Variants in SUMF1 observed in about 807,000 individuals in gnomAD.
SUMF1 encodes sulfatase modifying factor 1, also known as formylglycine-generating enzyme.
Under a neutral mutation model 47.6 loss-of-function variants are expected in SUMF1, and 48 were observed. The observed-to-expected ratio is 1.01, with a 90% CI of 0.80 to 1.28. The LOEUF (loss-of-function observed/expected upper bound fraction) is 1.28, where lower values mean the gene tolerates loss of function less well. Ranked by LOEUF, SUMF1 falls within the 50% of genes most tolerant of loss-of-function variation. The probability of loss-of-function intolerance (pLI) is 0.00; values close to 1 mark genes in which losing one functional copy is unlikely to be tolerated. For missense variants in SUMF1, 571 were observed against 485.4 expected (o/e 1.18, Z -1.66); for synonymous variants, 230 against 192.1 (o/e 1.20, Z -1.63).
intron 9 of SUMF1, among the ~76,000 whole-genome samples, chr3:4,064,502 A>T (rs1348567925): frequency 6.6e-6 from 1 of 152,100 alleles, no homozygotes; most frequent in East Asian, 1.9e-4. Context: ...CTATAAGTAT[A>T]CTCAGTTGAG....
chr3:4,216,693 AG>A (rs1695932540), intron 8 of SUMF1, among the ~76,000 whole-genome samples: 1 of 152,220 alleles, frequency 6.6e-6, no homozygotes, highest in Non-Finnish European at 1.5e-5. Flanking sequence ...CCCATCAAAA[AG>A]TGGGCAAAGG....
At position 4,066,288 on chromosome 3, in the gene SUMF1, C is replaced by T. The variant is rs73806857; in HGVS notation, c.1191+2281G>A. The stretch of plus-strand genomic sequence containing the variant: ...CAGAAACCCAAAACATGAGCAACCA[C>T]CAAAAGATGGTTTTCATAAAACGAT... On this transcript the variant is annotated intron_variant and NMD_transcript_variant, in intron 9 of 12. Coordinates refer to the SUMF1 transcript ENST00000448413. 4.6e-3 allele frequency among the ~76,000 whole-genome samples: 701 copies of T among 152,082 alleles called. 6 individuals are homozygous for T. Among genetic ancestry groups the T allele is most frequent in the African/African-American group, 0.016 (664 of 41,480 alleles).
In SUMF1 at chr3:4,105,264, G is replaced by A. The variant is rs952583589; in HGVS notation, c.1015-36519C>T. Among the ~76,000 whole-genome samples the A allele has an allele frequency of 5.9e-5, 9 of 152,066 alleles. 1 individual carries two copies. Among genetic ancestry groups the A allele is most frequent in the Non-Finnish European group, 1.0e-4 (7 of 68,014 alleles). ...AGAAAAGGGGAGATGTCTGTCAAAT[G>A]CACAGAGTTTTAGTTAAACAAAAGG... On this transcript the variant is annotated intron_variant and NMD_transcript_variant, in intron 8 of 12. Coordinates refer to the SUMF1 transcript ENST00000448413.
intron 8 of SUMF1, among the ~76,000 whole-genome samples, chr3:4,166,509 G>A (rs1010289779): frequency 6.6e-6 from 1 of 152,122 alleles, no homozygotes; most frequent in African/African-American, 2.4e-5. Flanking sequence ...GATCCCAGGT[G>A]CCTAAAGAAG....
At chr3:4,331,235 AC>A (rs1268314274) in intron 8 of SUMF1, among the ~76,000 whole-genome samples, 1 of 148,776 alleles carries the variant, frequency 6.7e-6, no homozygotes, top group East Asian at 1.9e-4. Flanking sequence ...AAAAAAAAAA[AC>A]CTTTAAACTA....
Position 4,189,866 on chromosome 3 carries a change from C to G in SUMF1, c.1015-121121G>C, listed in dbSNP as rs140058993. 2.2e-4 allele frequency among the ~76,000 whole-genome samples: 33 copies of G among 152,262 alleles called. 1 individual carries two copies. The highest frequency in any genetic ancestry group is 1.5e-3 in the Admixed American group (23 of 15,274). On this transcript the variant is annotated intron_variant and NMD_transcript_variant, in intron 8 of 12. Transcript: ENST00000448413. The stretch of plus-strand genomic sequence containing the variant: ...TATTCTTTTGCTGGTCTAAAATGTT[C>G]CTCCAACAGATTAGCTCAAACTGCC...
chr3:4,328,913 C>G (rs1265825610), intron 8 of SUMF1, among the ~76,000 whole-genome samples: 1 of 152,204 alleles, frequency 6.6e-6, no homozygotes, highest in East Asian at 1.9e-4. Context: ...GGTAAATACA[C>G]TCATTCCAAA....
chr3:4,384,745 C>A (rs145483532), intron 7 of SUMF1, among the ~76,000 whole-genome samples: 1 of 152,138 alleles, frequency 6.6e-6, no homozygotes, highest in East Asian at 1.9e-4. Flanking sequence ...AAGGACATTT[C>A]GGCTGTTTCT....
chr3:4,376,410 CTA>C (rs753866672), intron 7 of SUMF1, 21 bp from the exon 8 acceptor site: 1 of 1,613,650 alleles, frequency 6.2e-7, no homozygotes, highest in African/African-American at 1.3e-5. Flanking sequence ...AGAAAAAAGG[CTA>C]TGTTAGACCA....
intron 2 of SUMF1, among the ~76,000 whole-genome samples, chr3:4,451,483 T>C (rs1426528127): frequency 6.6e-6 from 1 of 152,198 alleles, no homozygotes; most frequent in African/African-American, 2.4e-5. Context: ...AAACCGTAAT[T>C]ACTTTTGTAC....
intron 8 of SUMF1, among the ~76,000 whole-genome samples, chr3:4,130,999 G>C (rs529075395): frequency 6.6e-6 from 1 of 152,126 alleles, no homozygotes; most frequent in Non-Finnish European, 1.5e-5. Flanking sequence ...TCACTGCAGA[G>C]CCCTGTAGGA....
intron 7 of SUMF1, among the ~76,000 whole-genome samples, chr3:4,394,156 T>G (rs912551747): frequency 6.6e-6 from 1 of 152,094 alleles, no homozygotes; most frequent in Non-Finnish European, 1.5e-5. Flanking sequence ...GCTTTTACAG[T>G]CACATACTGA....
At chr3:4,268,859 A>G (rs932591375) in intron 8 of SUMF1, among the ~76,000 whole-genome samples, 1 of 152,118 alleles carries the variant, frequency 6.6e-6, no homozygotes, top group Admixed American at 6.6e-5. Flanking sequence ...TACCTTTAAA[A>G]AAGACATTTA....
chr3:4,264,935 A>C (rs1439369525), intron 8 of SUMF1, among the ~76,000 whole-genome samples: 1 of 152,112 alleles, frequency 6.6e-6, no homozygotes, highest in East Asian at 1.9e-4. Context: ...GGAGATCTAG[A>C]CCATCATGGC....
rs1575185342 is a variant in SUMF1, at chr3:4,408,729, G to T, written c.954+2136C>A. Among the ~76,000 whole-genome samples the T allele has an allele frequency of 5.3e-5, 8 of 152,286 alleles. 1 individual carries two copies. The South Asian group carries it at 1.7e-3, about 32-fold the overall frequency. ...CTCACACCTGTAATCCCAGAACTTTGGGGGGACAAGGCGGGTAGATCACCT... is the reference window on the plus strand; with the variant it reads ...CTCACACCTGTAATCCCAGAACTTTTGGGGGACAAGGCGGGTAGATCACCT... On this transcript the variant is annotated intron_variant, in intron 7 of 8. Transcript: ENST00000272902.
chr3:4,441,358 A>T (rs922145614), intron 3 of SUMF1, among the ~76,000 whole-genome samples: 2 of 152,166 alleles, frequency 1.3e-5, no homozygotes, highest in Non-Finnish European at 2.9e-5. Context: ...GCTCCCACTG[A>T]TTCTACATTA....
chr3:4,440,557 G>C (rs926652348), intron 3 of SUMF1, among the ~76,000 whole-genome samples: 3 of 152,158 alleles, frequency 2.0e-5, no homozygotes, highest in African/African-American at 7.2e-5. Context: ...CAGCGGGTCA[G>C]ACTGCATTAT....
rs1213784165 is a variant in SUMF1, at chr3:4,039,208, A to ATTTTTTTTTTT, written c.1191+29360_1191+29361insAAAAAAAAAAA. Among the ~76,000 whole-genome samples, 308 of 45,950 alleles carry ATTTTTTTTTTT rather than the reference A, an allele frequency of 6.7e-3. 16 individuals carry two copies. Among genetic ancestry groups the ATTTTTTTTTTT allele is most frequent in the South Asian group, 0.015 (14 of 934 alleles). 30.1% of individuals were successfully genotyped at this position (45,950 alleles called of 152,430 possible). ...CAAGCATGCCTGAAACATCTATGCA[A>ATTTTTTTTTTT]ATTTTTTTTTTTTTTTTTTTTTTTT... On this transcript the variant is annotated intron_variant and NMD_transcript_variant, in intron 9 of 12. Transcript: ENST00000448413.
At chr3:4,068,775 A>AAGG (rs2125033641) in intron 8 of SUMF1, 1 of 331,066 alleles carries the variant, frequency 3.0e-6, no homozygotes, top group South Asian at 2.4e-5. Context: ...GAAGAAGAAG[A>AAGG]AATAATAATA....
Sources: allele counts gnomAD v4.1 joint callset (sites outside exome capture counted in the v4.1 genomes callset), GRCh38; gene constraint gnomAD v4.1.1; transcripts MANE v1.5; gene names NCBI Gene and HGNC (gene_info 2026-07-23, HGNC 2026-07-21).